The following HERC1 variants were observed in gnomAD, a reference collection of about 807,000 sequenced individuals.
HERC1 encodes the protein probable E3 ubiquitin-protein ligase HERC1.
In HERC1, 160 loss-of-function variants were observed where a neutral mutation model predicts 554.3. The ratio of observed to expected loss-of-function variants is 0.29; its 90% CI spans 0.25 to 0.33. HERC1 has a LOEUF of 0.33. Ranked by LOEUF, HERC1 falls within the 10% of genes least tolerant of loss-of-function variation. The pLI, the probability that HERC1 is intolerant of heterozygous loss-of-function variation, is 1.00. For missense variants in HERC1, 4,919 were observed against 5,918.5 expected (o/e 0.83, Z 5.54); for synonymous variants, 2,175 against 2,131.7 (o/e 1.02, Z -0.56).
At position 63,774,724 on chromosome 15, in the gene HERC1, C is replaced by T. The variant is rs2076069050; in HGVS notation, c.900G>A (p.Met300Ile). 1 of 1,612,962 alleles carries T rather than the reference C, an allele frequency of 6.2e-7. No individual in the cohort carries two copies. Among genetic ancestry groups the T allele is most frequent in the African/African-American group, 1.3e-5 (1 of 74,870 alleles). ...QEGMISFDCF[M>I]TILMQMRRSL... ...AACGCCTCATCTGCATTAATATGGT[C>T]ATAAAGCAGTCAAAGCTGATCATTC... Residue 300 changes from methionine to isoleucine, a missense_variant, in exon 2 of 78, where the codon ATG becomes ATA. Met to Ile is a conservative substitution (Grantham distance 10). This residue lies in a region of HERC1 where 744 missense variants were observed against 1,090.0 expected (regional missense o/e 0.68). Transcript: ENST00000443617.
intron 71 of HERC1, among the ~76,000 whole-genome samples, chr15:63,625,237 A>C (rs1202885210): frequency 1.3e-5 from 2 of 152,186 alleles, no homozygotes; most frequent in Non-Finnish European, 2.9e-5. Context: ...CCCTTTCCCC[A>C]AGACCCAGAA....
chr15:63,790,744 T>C (rs947271122), intron 1 of HERC1, among the ~76,000 whole-genome samples: 2 of 151,948 alleles, frequency 1.3e-5, no homozygotes, highest in Non-Finnish European at 2.9e-5. Context: ...TAAACACTTG[T>C]TAAATGCTGG....
chr15:63,739,200 T>TTTG (rs2074684089), intron 12 of HERC1, among the ~76,000 whole-genome samples: 1 of 140,956 alleles, frequency 7.1e-6, no homozygotes, highest in Admixed American at 6.9e-5. Flanking sequence ...ATATACTTTT[T>TTTG]TTTTTTTTTT....
In HERC1 at chr15:63,756,603, G is replaced by T. The variant is rs866757320; in HGVS notation, c.1367C>A (p.Ser456Tyr). The T allele has an allele frequency of 1.2e-6, 2 of 1,613,790 alleles. No homozygotes were observed. The highest frequency in any genetic ancestry group is 2.7e-5 in the African/African-American group (2 of 75,000). The change falls in exon 5 of 78, where the codon TCC becomes TAC. Residue 456 changes from serine (S) to tyrosine (Y), a missense_variant. By Grantham distance (144) the Ser-to-Tyr change is moderately radical (BLOSUM62 -2). Coordinates refer to ENST00000443617, the MANE Select transcript of HERC1 (RefSeq NM_003922.4). The surrounding 1 kb of genome is among the most constrained non-coding windows in gnomAD (Gnocchi z 5.0). The part of the protein sequence containing the change: ...LKKLTFEPHR[S>Y]IKKVSSSKGS... ...TTTAGAAGATGAAACCTTTTTAATG[G>T]ATCTGTGAGGCTCGAATGTTAACTT...
intron 19 of HERC1, among the ~76,000 whole-genome samples, chr15:63,719,921 T>C (rs919714503): frequency 2.0e-5 from 3 of 151,974 alleles, no homozygotes; most frequent in Non-Finnish European, 2.9e-5. Context: ...AGATAGTGAG[T>C]AAACTAGTCA....
At chr15:63,770,995 C>T (rs1012756054) in intron 2 of HERC1, among the ~76,000 whole-genome samples, 4 of 152,110 alleles carry the variant, frequency 2.6e-5, no homozygotes, top group Non-Finnish European at 5.9e-5. Flanking sequence ...TCGAGACCAG[C>T]CTGGCCAACA....
At position 63,734,694 on chromosome 15, in the gene HERC1, G is replaced by A. The variant is rs749738105; in HGVS notation, c.2646+30C>T. On this transcript the variant is annotated intron_variant, in intron 13 of 77. Coordinates refer to ENST00000443617, the MANE Select transcript of HERC1 (RefSeq NM_003922.4). This position sits in a 1 kb window ranked among gnomAD's most constrained non-coding sequence, Gnocchi z 4.6. The stretch of plus-strand genomic sequence containing the variant: ...CAGTCCAAATTTTTAGGATACTACT[G>A]GTTTACTTACACAGCAAGCAAAGGC... 2.7e-6 allele frequency: 4 copies of A among 1,506,970 alleles called. No homozygotes were observed. Among genetic ancestry groups the A allele is most frequent in the Admixed American group, 5.0e-5 (2 of 40,388 alleles). 93.3% of individuals were successfully genotyped at this position (1,506,970 alleles called of 1,614,324 possible). A position where few individuals can be genotyped will look rare whatever the true frequency, so the allele number is the denominator to read the frequency against.
At chr15:63,823,412 C>T (rs561736509) in intron 1 of HERC1, among the ~76,000 whole-genome samples, 3 of 152,304 alleles carry the variant, frequency 2.0e-5, no homozygotes, top group South Asian at 4.1e-4. Flanking sequence ...GACGTAGCAA[C>T]TATAATTATT....
chr15:63,751,204 T>A (rs1444616821), intron 8 of HERC1, among the ~76,000 whole-genome samples: 3 of 152,228 alleles, frequency 2.0e-5, no homozygotes, highest in Non-Finnish European at 4.4e-5. Context: ...GGAGTTTTGA[T>A]GCCAGTATTT....
intron 6 of HERC1, 67 bp from the exon 7 acceptor site, chr15:63,754,715 C>A (rs908437157): frequency 7.1e-7 from 1 of 1,406,838 alleles, no homozygotes; most frequent in Non-Finnish European, 9.7e-7. Context: ...CTTGACTTCA[C>A]AAGTATAATA....
At chr15:63,710,345 C>T (rs902945198) in intron 24 of HERC1, among the ~76,000 whole-genome samples, 3 of 152,018 alleles carry the variant, frequency 2.0e-5, no homozygotes, top group Non-Finnish European at 4.4e-5. Context: ...GTAGGGGGAC[C>T]AGTTTGAAAA....
At chr15:63,799,073 C>G (rs1475884262) in intron 1 of HERC1, among the ~76,000 whole-genome samples, 1 of 152,168 alleles carries the variant, frequency 6.6e-6, no homozygotes, top group African/African-American at 2.4e-5. Flanking sequence ...ATTTAATTTT[C>G]AGACAAGTTA....
chr15:63,833,343 G>C (rs2078220732), intron 1 of HERC1, among the ~76,000 whole-genome samples: 1 of 152,330 alleles, frequency 6.6e-6, no homozygotes, highest in South Asian at 2.1e-4. Flanking sequence ...CCCCGCTAAA[G>C]GCGGCCGGCG....
intron 48 of HERC1, among the ~76,000 whole-genome samples, chr15:63,656,653 C>T (rs574588680): frequency 6.9e-4 from 105 of 152,228 alleles, no homozygotes; most frequent in Admixed American, 1.4e-3. Flanking sequence ...CCCATGTCAC[C>T]GCCCTCCAGA....
chr15:63,661,399 G>C (rs1355638047), intron 45 of HERC1, among the ~76,000 whole-genome samples: 2 of 152,100 alleles, frequency 1.3e-5, no homozygotes, highest in Admixed American at 6.5e-5. Flanking sequence ...TCAAAAGTCT[G>C]TTTTTTTCAT....
At position 63,749,259 on chromosome 15, in the gene HERC1, A is replaced by C; in HGVS notation, c.2219+108T>G. On this transcript the variant is annotated intron_variant, in intron 10 of 77. Coordinates refer to ENST00000443617, the MANE Select transcript of HERC1 (RefSeq NM_003922.4). The surrounding 1 kb of genome is among the most constrained non-coding windows in gnomAD (Gnocchi z 4.1). ...AAGCAATACTATATATGTTCAGAAG[A>C]GTATTTTATGAACAAAGCACAATTA... is the stretch of plus-strand genomic sequence containing the variant. The C allele has an allele frequency of 2.4e-6, 2 of 830,568 alleles. No individual in the cohort carries two copies. The highest frequency in any genetic ancestry group is 1.9e-6 in the Non-Finnish European group (1 of 527,188). The allele number at this position is 830,568 out of a possible 1,614,324, so 51.4% of individuals were successfully genotyped here. A position where few individuals can be genotyped will look rare whatever the true frequency, so the allele number is the denominator to read the frequency against.
intron 25 of HERC1, among the ~76,000 whole-genome samples, chr15:63,705,074 G>T (rs954764145): frequency 3.3e-5 from 5 of 151,906 alleles, no homozygotes; most frequent in Admixed American, 1.3e-4. Flanking sequence ...AGCAGCTTTG[G>T]TATGTTATGG....
At chr15:63,725,270 A>T (rs1333081971) in intron 18 of HERC1, 22 bp downstream of exon 18, 1 of 1,598,050 alleles carries the variant, frequency 6.3e-7, no homozygotes, top group African/African-American at 1.3e-5. Flanking sequence ...TGTATTTTAA[A>T]TGCTGCAGAG....
chr15:63,782,963 T>C (rs2076329563), intron 1 of HERC1, among the ~76,000 whole-genome samples: 1 of 152,226 alleles, frequency 6.6e-6, no homozygotes, highest in South Asian at 2.1e-4. Context: ...AGCAATCTCA[T>C]GATAAAATTT....
Sources: gnomAD v4.1 joint callset for allele counts (sites outside exome capture counted in the v4.1 genomes callset) on GRCh38, gnomAD v4.1.1 for gene constraint, gnomAD v4.1.1 regional missense constraint, Gnocchi (gnomAD v3.1) non-coding constraint, MANE v1.5 for transcripts, NCBI Gene and HGNC (gene_info 2026-07-23, HGNC 2026-07-21) for gene names.